ADGRV1: variants seen among roughly 807,000 people sequenced by gnomAD.
The protein encoded by ADGRV1 is G-protein coupled receptor 98.
Under a neutral mutation model 596.2 loss-of-function variants are expected in ADGRV1, and 359 were observed. That is an observed-to-expected ratio of 0.60 (90% confidence interval 0.55 to 0.66). The LOEUF (loss-of-function observed/expected upper bound fraction) is 0.66, where lower values mean the gene tolerates loss of function less well. Ranked by LOEUF, ADGRV1 falls within the 30% of genes least tolerant of loss-of-function variation. The probability of loss-of-function intolerance (pLI) is 0.00; values close to 1 mark genes in which losing one functional copy is unlikely to be tolerated. For missense variants in ADGRV1, 7,274 were observed against 7,575.6 expected (o/e 0.96, Z 1.48); for synonymous variants, 2,681 against 2,679.2 (o/e 1.00, Z -0.02).
Position 90,754,996 on chromosome 5 carries a change from T to A in ADGRV1, c.11391T>A (p.Thr3797=). The A allele has an allele frequency of 6.2e-7, 1 of 1,612,162 alleles. No homozygotes were observed. Residue 3797 remains threonine (T), a synonymous_variant, in exon 55 of 90, where the codon ACT becomes ACA. Coordinates refer to ENST00000405460, the MANE Select transcript of ADGRV1 (RefSeq NM_032119.4). ...TTTCTCTCACAGAAAACACCACCAC[T>A]CTTCAGTTACAAATAGCTCGAGATA... ...RVAEPKENTT[T]LQLQIARDKG...
At chr5:90,578,371 A>G (rs1280040994) in intron 1 of ADGRV1, among the ~76,000 whole-genome samples, 1 of 152,126 alleles carries the variant, frequency 6.6e-6, no homozygotes, top group Non-Finnish European at 1.5e-5. Flanking sequence ...TGAGATAATC[A>G]TGTGGTTTTT....
intron 87 of ADGRV1, among the ~76,000 whole-genome samples, chr5:91,116,807 T>C (rs570289616): frequency 6.6e-6 from 1 of 152,286 alleles, no homozygotes; most frequent in Admixed American, 6.5e-5. Flanking sequence ...AAAGTGGTAA[T>C]ATAGTCAAGC....
intron 1 of ADGRV1, among the ~76,000 whole-genome samples, chr5:90,580,670 C>T (rs1757906589): frequency 6.6e-6 from 1 of 152,162 alleles, no homozygotes; most frequent in South Asian, 2.1e-4. Context: ...GATGGACTTC[C>T]CTTTGTGGGT....
intron 85 of ADGRV1, among the ~76,000 whole-genome samples, chr5:91,004,205 GTTCTAAGTAACATTGTATTTTC>G (rs1163218659): frequency 6.6e-6 from 1 of 152,112 alleles, no homozygotes; most frequent in African/African-American, 2.4e-5. Context: ...GCATCTAGGT[GTTCTAAGTAACATTGTATTTTC>G]TTCCTGCATG....
intron 89 of ADGRV1, among the ~76,000 whole-genome samples, chr5:91,159,654 A>C (rs1426637985): frequency 1.3e-5 from 2 of 152,152 alleles, no homozygotes; most frequent in African/African-American, 4.8e-5. Flanking sequence ...TCCACAGGCA[A>C]ATGAGACACT....
In ADGRV1 at chr5:90,805,420, C is replaced by G. The variant is rs1761810829; in HGVS notation, c.14798C>G (p.Pro4933Arg). The change falls in exon 72 of 90, where the codon CCT becomes CGT. Residue 4933 changes from proline to arginine, a missense_variant. Pro to Arg is a moderately radical substitution (Grantham distance 103, BLOSUM62 -2). Coordinates refer to ENST00000405460, the MANE Select transcript of ADGRV1 (RefSeq NM_032119.4). Reference sequence around the variant, plus strand: ...GGATATGCTCCTGGGTTAGAAATTCCTGAATTCATTGTTGTTGGCAACATG... The same window carrying G: ...GGATATGCTCCTGGGTTAGAAATTCGTGAATTCATTGTTGTTGGCAACATG... ...TTGYAPGLEI[P>R]EFIVVGNMTP... is the part of the protein sequence containing the mutation. 1 of 1,597,636 alleles carries G rather than the reference C, an allele frequency of 6.3e-7. No individual in the cohort carries two copies. The highest frequency in any genetic ancestry group is 1.1e-5 in the South Asian group (1 of 89,962).
chr5:90,627,650 C>A lies in ADGRV1; in HGVS notation c.1112C>A (p.Ala371Asp). Reference sequence around the variant, plus strand: ...CTAAAAGATACCTTACAGGGAGATGCTGTGCTAATAAGCCCTTCTGTTGTA... The same window carrying A: ...CTAAAAGATACCTTACAGGGAGATGATGTGCTAATAAGCCCTTCTGTTGTA... ...MLLKDTLQGD[A>D]VLISPSVVQV... Residue 371 changes from alanine to aspartate, a missense_variant, in exon 7 of 90, where the codon GCT becomes GAT. Physicochemically the swap from Ala to Asp is moderately radical, Grantham distance 126. Around this residue, in one of 5 missense-constraint regions of ADGRV1, gnomAD observed 1,715 missense variants for 1,708.8 expected, o/e 1.00. Transcript: ENST00000405460. 6.2e-7 allele frequency: 1 copy of A among 1,613,738 alleles called. No individual in the cohort carries two copies. Among genetic ancestry groups the A allele is most frequent in the South Asian group, 1.1e-5 (1 of 91,078 alleles).
At chr5:91,066,486 C>A (rs1297616095) in intron 85 of ADGRV1, among the ~76,000 whole-genome samples, 2 of 152,052 alleles carry the variant, frequency 1.3e-5, no homozygotes, top group African/African-American at 2.4e-5. Flanking sequence ...TATTATACAG[C>A]AGTAGAAATT....
chr5:90,931,491 C>A (rs556217928), intron 83 of ADGRV1, among the ~76,000 whole-genome samples: 1 of 152,176 alleles, frequency 6.6e-6, no homozygotes, highest in East Asian at 1.9e-4. Flanking sequence ...CCTAGTGATG[C>A]CCAAATTGAC....
intron 86 of ADGRV1, among the ~76,000 whole-genome samples, chr5:91,081,777 ACT>A (rs1410462167): frequency 6.6e-6 from 1 of 152,110 alleles, no homozygotes; most frequent in Non-Finnish European, 1.5e-5. Context: ...CAAGAGTGAA[ACT>A]CTGTCTCAAA....
chr5:90,742,766 G>C (rs1291889624), intron 50 of ADGRV1, among the ~76,000 whole-genome samples: 1 of 152,182 alleles, frequency 6.6e-6, no homozygotes, highest in African/African-American at 2.4e-5. Flanking sequence ...GGTGATGCTG[G>C]TTAGAGAAGT....
At chr5:90,983,430 C>T (rs1039256130) in intron 84 of ADGRV1, among the ~76,000 whole-genome samples, 1 of 151,674 alleles carries the variant, frequency 6.6e-6, no homozygotes. Context: ...CAATCTGTAC[C>T]CTCCTCCTTG....
intron 85 of ADGRV1, among the ~76,000 whole-genome samples, chr5:91,002,803 A>G (rs1781955179): frequency 6.6e-6 from 1 of 152,040 alleles, no homozygotes; most frequent in East Asian, 1.9e-4. Flanking sequence ...TAGAATCTCC[A>G]TTTTCAAATA....
intron 83 of ADGRV1, among the ~76,000 whole-genome samples, chr5:90,935,175 A>T (rs185521252): frequency 6.6e-6 from 1 of 152,370 alleles, no homozygotes; most frequent in African/African-American, 2.4e-5. Flanking sequence ...AGTATTAAGC[A>T]TATTCACCTA....
chr5:90,558,948 G>T, intron 1 of ADGRV1, 31 bp downstream of exon 1: 1 of 1,545,634 alleles, frequency 6.5e-7, no homozygotes, highest in Admixed American at 2.0e-5. Context: ...GGTGCTGCGA[G>T]CATCGCTGAG....
chr5:90,834,409 A>ATAC (rs1764783783), intron 77 of ADGRV1, among the ~76,000 whole-genome samples: 1 of 152,168 alleles, frequency 6.6e-6, no homozygotes, highest in Non-Finnish European at 1.5e-5. Context: ...TTCGCTTGAT[A>ATAC]TACTACTCTG....
intron 77 of ADGRV1, among the ~76,000 whole-genome samples, chr5:90,838,064 G>A (rs772052287): frequency 6.6e-5 from 10 of 152,078 alleles, no homozygotes; most frequent in Non-Finnish European, 1.5e-4. Context: ...TCAATCATAT[G>A]TCTGTGAACT....
intron 36 of ADGRV1, among the ~76,000 whole-genome samples, chr5:90,704,776 A>G (rs1388469747): frequency 1.3e-5 from 2 of 152,098 alleles, no homozygotes; most frequent in East Asian, 3.9e-4. Context: ...TTACAAGCCA[A>G]TTTGAATTTT....
chr5:90,990,206 C>T (rs2151068281), intron 85 of ADGRV1, among the ~76,000 whole-genome samples: 1 of 152,256 alleles, frequency 6.6e-6, no homozygotes, highest in South Asian at 2.1e-4. Context: ...CCCTGTTTTT[C>T]CTCAAAGCAT....
Sources: allele counts gnomAD v4.1 joint callset (sites outside exome capture counted in the v4.1 genomes callset), GRCh38; gene constraint gnomAD v4.1.1; regional missense constraint gnomAD v4.1.1; transcripts MANE v1.5; gene names NCBI Gene and HGNC (gene_info 2026-07-23, HGNC 2026-07-21).